Variants in SCMH1 observed in about 807,000 individuals in gnomAD.
SCMH1 encodes the protein polycomb protein SCMH1.
Under a neutral mutation model 70.8 loss-of-function variants are expected in SCMH1, and 37 were observed. The observed-to-expected ratio is 0.52, with a 90% CI of 0.40 to 0.69. The LOEUF (loss-of-function observed/expected upper bound fraction) is 0.69, where lower values mean the gene tolerates loss of function less well. Among genes scored for constraint, SCMH1 ranks in the 30% least tolerant of loss-of-function variants. The probability of loss-of-function intolerance (pLI) is 0.00; values close to 1 mark genes in which losing one functional copy is unlikely to be tolerated. For missense variants in SCMH1, 607 were observed against 827.3 expected (o/e 0.73, Z 3.27); for synonymous variants, 292 against 307.4 (o/e 0.95, Z 0.52).
At chr1:41,088,292 G>A (rs910077820) in intron 8 of SCMH1, among the ~76,000 whole-genome samples, 2 of 152,132 alleles carry the variant, frequency 1.3e-5, no homozygotes, top group African/African-American at 4.8e-5. Flanking sequence ...GTGGTGGAAG[G>A]AATAAGGTAG....
chr1:41,048,684 G>T lies in SCMH1; in HGVS notation c.1306+6C>A. ...TGGGAGGCAATATGAGCCAAAGTGT[G>T]CTTACCTGAGATAACCTCACCACCA... On this transcript the variant is annotated splice_donor_region_variant and intron_variant, in intron 11 of 14. Coordinates refer to ENST00000337495, the Ensembl canonical transcript of SCMH1. The T allele has an allele frequency of 6.2e-7, 1 of 1,613,384 alleles. No homozygotes were observed. Among genetic ancestry groups the T allele is most frequent in the Non-Finnish European group, 8.5e-7 (1 of 1,179,820 alleles).
At chr1:41,184,067 C>T (rs558488844) in intron 2 of SCMH1, among the ~76,000 whole-genome samples, 1 of 152,194 alleles carries the variant, frequency 6.6e-6, no homozygotes, top group African/African-American at 2.4e-5. Flanking sequence ...CTGAACTGTA[C>T]ACTAAAATAT....
chr1:41,152,255 G>A (rs1192798912), intron 4 of SCMH1, among the ~76,000 whole-genome samples: 6 of 152,118 alleles, frequency 3.9e-5, no homozygotes, highest in African/African-American at 7.2e-5. Context: ...ACCTACCCCC[G>A]CTGCACCCCC....
At chr1:41,226,174 G>GT (rs1660238835) in intron 1 of SCMH1, among the ~76,000 whole-genome samples, 1 of 152,134 alleles carries the variant, frequency 6.6e-6, no homozygotes, top group African/African-American at 2.4e-5. Context: ...AGATTTTGAG[G>GT]TTTATACTTC....
chr1:41,138,339 T>A (rs773448700), intron 6 of SCMH1, among the ~76,000 whole-genome samples: 3 of 152,164 alleles, frequency 2.0e-5, no homozygotes, highest in African/African-American at 4.8e-5. Context: ...TTTTGGAAAG[T>A]TTTCTTATTT....
At chr1:41,174,097 C>A (rs1010732857) in intron 2 of SCMH1, among the ~76,000 whole-genome samples, 3 of 151,918 alleles carry the variant, frequency 2.0e-5, no homozygotes, top group Admixed American at 6.6e-5. Context: ...TGAATGCTCC[C>A]AACATAAATA....
intron 5 of SCMH1, among the ~76,000 whole-genome samples, chr1:41,146,989 A>C (rs551877721): frequency 3.9e-5 from 6 of 152,080 alleles, no homozygotes; most frequent in Non-Finnish European, 8.8e-5. Flanking sequence ...CCCCACCCAA[A>C]GTAGTTGAAC....
intron 1 of SCMH1, among the ~76,000 whole-genome samples, chr1:41,199,380 A>G (rs1158941958): frequency 6.6e-6 from 1 of 152,180 alleles, no homozygotes. Context: ...TGAATGTTAT[A>G]TAAATGAAAT....
exon 13 of SCMH1, chr1:41,037,450 G>T (rs996440081): frequency 6.2e-7 from 1 of 1,614,222 alleles, no homozygotes; most frequent in Non-Finnish European, 8.5e-7. Flanking sequence ...GGGAGGTGCT[G>T]ACAAGGTTGG....
chr1:41,176,763 T>C (rs1572852648), intron 2 of SCMH1, among the ~76,000 whole-genome samples: 1 of 152,204 alleles, frequency 6.6e-6, no homozygotes, highest in Non-Finnish European at 1.5e-5. Context: ...AAGCTCGAAC[T>C]GGGTGGAGCC....
At chr1:41,058,968 T>C (rs1651597657) in intron 10 of SCMH1, among the ~76,000 whole-genome samples, 1 of 152,230 alleles carries the variant, frequency 6.6e-6, no homozygotes, top group African/African-American at 2.4e-5. Context: ...AAGTTGCAGC[T>C]GGTGTGTCCT....
At chr1:41,178,968 T>C (rs896252148) in intron 2 of SCMH1, among the ~76,000 whole-genome samples, 1 of 152,176 alleles carries the variant, frequency 6.6e-6, no homozygotes, top group Non-Finnish European at 1.5e-5. Context: ...ATTCCAAAAT[T>C]GACCACATAG....
At chr1:41,028,313 C>G (rs1175261445) in exon 15 of SCMH1, 2 of 1,611,416 alleles carry the variant, frequency 1.2e-6, no homozygotes, top group Non-Finnish European at 1.7e-6. Flanking sequence ...GCCTTGCCAT[C>G]GATCTCCTGG....
Position 41,113,585 on chromosome 1 carries a change from G to A in SCMH1, c.502-59C>T. Reference sequence around the variant, plus strand: ...ACAAAGAGAGGCCATTATGCCAATAGACTACTATCTAATTTGGATGATTAA... The same window carrying A: ...ACAAAGAGAGGCCATTATGCCAATAAACTACTATCTAATTTGGATGATTAA... On this transcript the variant is annotated intron_variant, in intron 7 of 14. Coordinates refer to ENST00000337495, the Ensembl canonical transcript of SCMH1. The surrounding 1 kb of genome is among the most constrained non-coding windows in gnomAD (Gnocchi z 4.3). 2 of 1,545,446 alleles carry A rather than the reference G, an allele frequency of 1.3e-6. No individual in the cohort carries two copies. Among genetic ancestry groups the A allele is most frequent in the African/African-American group, 1.4e-5 (1 of 72,516 alleles).
chr1:41,123,111 C>T (rs754964172), intron 6 of SCMH1, among the ~76,000 whole-genome samples: 18 of 152,090 alleles, frequency 1.2e-4, no homozygotes, highest in African/African-American at 4.3e-4. Context: ...GTCCCAGCTA[C>T]GTGGAAGGCT....
At chr1:41,096,433 T>C (rs1665086376) in intron 8 of SCMH1, among the ~76,000 whole-genome samples, 1 of 152,190 alleles carries the variant, frequency 6.6e-6, no homozygotes, top group East Asian at 1.9e-4. Context: ...TAATAGTACT[T>C]ACCTACAGAT....
chr1:41,218,341 A>G (rs1055504401), intron 1 of SCMH1, among the ~76,000 whole-genome samples: 3 of 152,182 alleles, frequency 2.0e-5, no homozygotes, highest in Admixed American at 2.0e-4. Flanking sequence ...AGTTAAGATG[A>G]CGTCATTAGG....
At chr1:41,075,326 G>T in exon 9 of SCMH1, 1 of 1,614,152 alleles carries the variant, frequency 6.2e-7, no homozygotes, top group East Asian at 2.2e-5. Flanking sequence ...GTCCGGCCCC[G>T]CTTCTTTCCT....
At chr1:41,096,210 A>G (rs1468378963) in intron 8 of SCMH1, among the ~76,000 whole-genome samples, 1 of 152,204 alleles carries the variant, frequency 6.6e-6, no homozygotes, top group African/African-American at 2.4e-5. Context: ...ACACAGTCTT[A>G]GAATACTGAA....
Sources: gnomAD v4.1 joint callset for allele counts (sites outside exome capture counted in the v4.1 genomes callset) on GRCh38, gnomAD v4.1.1 for gene constraint, Gnocchi (gnomAD v3.1) non-coding constraint, MANE v1.5 for transcripts, NCBI Gene and HGNC (gene_info 2026-07-23, HGNC 2026-07-21) for gene names.